PHF8: variants seen among roughly 807,000 people sequenced by gnomAD.
PHF8 encodes PHD finger protein 8, also known as histone lysine demethylase PHF8.
Under a neutral mutation model 74.4 loss-of-function variants are expected in PHF8, and 9 were observed. The ratio of observed to expected loss-of-function variants is 0.12; its 90% CI spans 0.07 to 0.21. The LOEUF is 0.21. PHF8 is among the 10% of genes least tolerant of loss of function. The pLI is 1.00. For synonymous variants in PHF8, 311 were observed against 316.6 expected, an observed-to-expected ratio of 0.98 and a Z score of 0.19; for missense variants, 478 against 816.6, an observed-to-expected ratio of 0.59 and a Z score of 5.05.
At chrX:54,042,954 G>A in intron 1 of PHF8, 134 bp from the exon 2 acceptor site, 1 of 557,806 alleles carries the variant, frequency 1.8e-6, no homozygotes, top group East Asian at 3.9e-5. Flanking sequence ...GGGGCAACCA[G>A]AGAAAGTCCA....
chrX:53,940,556 A>C (rs371338611), intron 20 of PHF8, 40 bp from the exon 21 acceptor site: 474 of 967,681 alleles, frequency 4.9e-4, no homozygotes, highest in Non-Finnish European at 6.0e-4. Flanking sequence ...TTAAGGAGTG[A>C]AGAAGACAAG....
chrX:53,978,168 G>A (rs1233025237), intron 18 of PHF8, among the ~76,000 whole-genome samples: 6 of 104,986 alleles, frequency 5.7e-5, no homozygotes, highest in African/African-American at 1.7e-4. Flanking sequence ...GGCTGGTCTC[G>A]AACTCCTGAC....
intron 19 of PHF8, among the ~76,000 whole-genome samples, chrX:53,947,779 A>G (rs2064853107): frequency 8.9e-6 from 1 of 112,480 alleles, no homozygotes; most frequent in Admixed American, 9.4e-5. Context: ...TGGAACACTC[A>G]TGCTTTTAGC....
At chrX:54,016,508 A>AT in intron 6 of PHF8, 87 bp downstream of exon 6, 1 of 808,023 alleles carries the variant, frequency 1.2e-6, no homozygotes, top group Non-Finnish European at 1.8e-6. Context: ...AAAAAAAAAA[A>AT]GAGAGAGAAA....
chrX:53,981,163 C>G (rs947930678), intron 18 of PHF8, among the ~76,000 whole-genome samples: 2 of 112,432 alleles, frequency 1.8e-5, no homozygotes, highest in Non-Finnish European at 3.8e-5. Flanking sequence ...GCAGTGAGCC[C>G]AGATCACGCC....
chrX:53,957,508 G>A (rs782011733), intron 19 of PHF8, among the ~76,000 whole-genome samples: 2 of 110,808 alleles, frequency 1.8e-5, no homozygotes, highest in East Asian at 5.7e-4. Context: ...GCGACAGACC[G>A]AGACTGTTTC....
rs1044921877 is a variant in PHF8, at chrX:53,981,172, C to A, written c.2443+3742G>T. Among the ~76,000 whole-genome samples, 8 of 112,556 alleles carry A rather than the reference C, an allele frequency of 7.1e-5. No individual in the cohort carries two copies. The East Asian group carries it at 1.7e-3, about 23-fold the overall frequency. ...GAGATTGCAGTGAGCCCAGATCACG[C>A]CACTTCATTCCACCCTGGGCGACAA... is the stretch of plus-strand genomic sequence containing the variant. On this transcript the variant is annotated intron_variant, in intron 18 of 21. Transcript: ENST00000338154.
chrX:53,959,863 C>CAAAA (rs782111007), intron 19 of PHF8, among the ~76,000 whole-genome samples: 4 of 23,104 alleles, frequency 1.7e-4, no homozygotes, highest in African/African-American at 5.1e-4. Context: ...GTTTCTGCCT[C>CAAAA]AAAAAAAAAA....
At chrX:53,992,973 C>A in intron 13 of PHF8, 134 bp from the exon 14 acceptor site, 1 of 504,914 alleles carries the variant, frequency 2.0e-6, no homozygotes, top group Non-Finnish European at 3.6e-6. Flanking sequence ...TATACTGTCC[C>A]CCCATACCCC....
At chrX:53,949,314 G>A (rs782457751) in intron 19 of PHF8, among the ~76,000 whole-genome samples, 121 of 110,954 alleles carry the variant, frequency 1.1e-3, no homozygotes, top group Non-Finnish European at 2.0e-3. Flanking sequence ...CAGCCTGGGC[G>A]ACAGAGTGAG....
At chrX:54,006,840 A>AG (rs782250126) in intron 8 of PHF8, among the ~76,000 whole-genome samples, 3 of 108,599 alleles carry the variant, frequency 2.8e-5, no homozygotes, top group Admixed American at 9.9e-5. Flanking sequence ...CGGGAGGCTA[A>AG]GGCAGGAGAA....
At chrX:54,021,494 A>C (rs1193532629) in intron 4 of PHF8, among the ~76,000 whole-genome samples, 3 of 64,502 alleles carry the variant, frequency 4.7e-5, no homozygotes, top group Non-Finnish European at 7.8e-5. Context: ...TTTGAGACGG[A>C]GTCTCGCTCT....
rs2066189116 is a variant in PHF8 at position 54,022,184 on chromosome X, G to C, written c.293+75C>G. On this transcript the variant is annotated intron_variant, in intron 4 of 21. Transcript: ENST00000338154. ...AAGCTCCTAATGGGACAGCCACTGGGAAAGCTGGGAAGAGGTGAGTTCCAG... is the reference window on the plus strand; with the variant it reads ...AAGCTCCTAATGGGACAGCCACTGGCAAAGCTGGGAAGAGGTGAGTTCCAG... 4.9e-6 allele frequency: 3 copies of C among 613,193 alleles called. No homozygotes were observed. The Admixed American group carries it at 6.7e-5, about 14-fold the overall frequency. 50.5% of individuals were successfully genotyped at this position (613,193 alleles called of 1,213,427 possible).
chrX:54,036,148 G>T (rs2066452059), intron 2 of PHF8, among the ~76,000 whole-genome samples: 1 of 107,732 alleles, frequency 9.3e-6, no homozygotes, highest in African/African-American at 3.4e-5. Flanking sequence ...AATCAGCAAG[G>T]ATTAGAAGAA....
chrX:54,038,888 G>A (rs1490907778), intron 2 of PHF8, among the ~76,000 whole-genome samples: 2 of 111,236 alleles, frequency 1.8e-5, no homozygotes, highest in East Asian at 5.6e-4. Flanking sequence ...TGTAATACCA[G>A]CACTTTGGGA....
At chrX:53,953,635 C>T (rs1413073927) in intron 19 of PHF8, among the ~76,000 whole-genome samples, 1 of 89,302 alleles carries the variant, frequency 1.1e-5, no homozygotes, top group African/African-American at 4.3e-5. Context: ...CAGAGTGACA[C>T]TCTGTCTCAA....
At chrX:54,032,718 G>A (rs186951395) in intron 2 of PHF8, among the ~76,000 whole-genome samples, 6 of 80,056 alleles carry the variant, frequency 7.5e-5, no homozygotes, top group East Asian at 3.7e-4. Flanking sequence ...CCCCCACCCC[G>A]GTGTCCAGAA....
intron 16 of PHF8, among the ~76,000 whole-genome samples, chrX:53,986,398 C>A (rs1008144307): frequency 1.8e-5 from 2 of 111,995 alleles, no homozygotes; most frequent in Admixed American, 9.4e-5. Context: ...TGTGCCACCA[C>A]GCCCAGCTAA....
chrX:53,962,807 AC>A, intron 19 of PHF8, 36 bp downstream of exon 19: 1 of 773,492 alleles, frequency 1.3e-6, no homozygotes, highest in Non-Finnish European at 2.0e-6. Context: ...CCTCCTGACC[AC>A]CCCTACAGAG....
Sources: allele counts gnomAD v4.1 joint callset (sites outside exome capture counted in the v4.1 genomes callset), GRCh38; gene constraint gnomAD v4.1.1; transcripts MANE v1.5; gene names NCBI Gene and HGNC (gene_info 2026-07-23, HGNC 2026-07-21).